Variants in FAM83A observed in about 807,000 individuals in gnomAD.
The protein encoded by FAM83A is protein FAM83A.
In FAM83A, 21 loss-of-function variants were observed where a neutral mutation model predicts 24.4. The observed-to-expected ratio is 0.86, with a 90% CI of 0.61 to 1.24. The LOEUF is 1.24. FAM83A is among the 50% of genes most tolerant of loss of function. FAM83A has a pLI of 0.00. For missense variants in FAM83A, 617 were observed against 579.8 expected (o/e 1.06, Z -0.66); for synonymous variants, 270 against 252.4 (o/e 1.07, Z -0.66).
In FAM83A at chr8:123,186,361, G is replaced by A. The variant is rs574055355; in HGVS notation, c.480+3025G>A. Among the ~76,000 whole-genome samples, 27 of 152,294 alleles carry A rather than the reference G, an allele frequency of 1.8e-4. No individual in the cohort carries two copies. In the South Asian group the frequency reaches 2.7e-3, roughly 15 times the overall value. The stretch of plus-strand genomic sequence containing the variant: ...TAGGCTGTCCTTGGAAGTAGGTGAT[G>A]AGAAGAATAGGAGAGAGTGGGGAAA... On this transcript the variant is annotated intron_variant, in intron 1 of 3. Coordinates refer to ENST00000690554, the Ensembl canonical transcript of FAM83A.
chr8:123,205,797 G>C (rs1824531352), intron 3 of FAM83A, among the ~76,000 whole-genome samples: 2 of 152,208 alleles, frequency 1.3e-5, no homozygotes, highest in African/African-American at 4.8e-5. Flanking sequence ...TTGAGGGGGC[G>C]GGGGGAGAAA....
At chr8:123,182,992 G>C in exon 1 of FAM83A, 1 of 1,612,332 alleles carries the variant, frequency 6.2e-7, no homozygotes, top group Non-Finnish European at 8.5e-7. Flanking sequence ...CTTGGATGGG[G>C]GTTCTGAAGC....
In FAM83A at chr8:123,209,052, G is replaced by A; in HGVS notation, c.*1364G>A. 1.0e-6 allele frequency: 1 copy of A among 993,438 alleles called. No homozygotes were observed. The highest frequency in any genetic ancestry group is 1.2e-6 in the Non-Finnish European group (1 of 835,362). 61.5% of individuals were successfully genotyped at this position (993,438 alleles called of 1,614,324 possible). On this transcript the variant is annotated 3_prime_UTR_variant, in exon 4 of 4. Coordinates refer to ENST00000690554, the Ensembl canonical transcript of FAM83A. The surrounding 1 kb of genome is among the most constrained non-coding windows in gnomAD (Gnocchi z 4.7). ...ATGTCAGAGACACTTCCCAGATAAAGTAAGAGTTAACCCTGCACCTCAGGT... is the reference window on the plus strand; with the variant it reads ...ATGTCAGAGACACTTCCCAGATAAAATAAGAGTTAACCCTGCACCTCAGGT...
At chr8:123,196,548 CTCTTT>C (rs1239218979) in intron 3 of FAM83A, among the ~76,000 whole-genome samples, 9 of 151,952 alleles carry the variant, frequency 5.9e-5, no homozygotes, top group Admixed American at 4.6e-4. Context: ...TATATTTTTA[CTCTTT>C]TCTTTTAATG....
chr8:123,182,122 G>C, upstream of FAM83A: 1 of 456,252 alleles, frequency 2.2e-6, no homozygotes, highest in Non-Finnish European at 4.4e-6. Flanking sequence ...GCGAGGAAGC[G>C]TTGGCCTGAG....
At chr8:123,194,175 AG>A (rs1438784520) in intron 3 of FAM83A, 27 bp downstream of exon 3, 1 of 1,612,836 alleles carries the variant, frequency 6.2e-7, no homozygotes, top group African/African-American at 1.3e-5. Flanking sequence ...TCTCCTGTCA[AG>A]GATTCATGGA....
chr8:123,181,768 T>G (rs960872240), upstream of FAM83A: 3 of 308,122 alleles, frequency 9.7e-6, no homozygotes, highest in Non-Finnish European at 2.0e-5. Context: ...GCTCCTCAAC[T>G]TCACCTGGCC....
chr8:123,182,649 C>G (rs183639465), upstream of FAM83A: 1 of 817,796 alleles, frequency 1.2e-6, no homozygotes, highest in Non-Finnish European at 2.0e-6. Flanking sequence ...ATAAGCCAAT[C>G]CCGCAGCTGC....
At chr8:123,207,336 G>T (rs1393205675) in exon 4 of FAM83A, 1 of 1,611,078 alleles carries the variant, frequency 6.2e-7, no homozygotes, top group African/African-American at 1.3e-5. Flanking sequence ...GCCAATGGCC[G>T]CCTTAGCAGC....
intron 3 of FAM83A, among the ~76,000 whole-genome samples, chr8:123,194,605 C>A (rs1012275333): frequency 1.3e-5 from 2 of 151,846 alleles, no homozygotes; most frequent in Non-Finnish European, 2.9e-5. Flanking sequence ...TCCCTCAGCC[C>A]CCCAAGTAGC....
intron 1 of FAM83A, among the ~76,000 whole-genome samples, chr8:123,190,177 AAGAG>A (rs949707268): frequency 6.6e-6 from 1 of 152,194 alleles, no homozygotes; most frequent in African/African-American, 2.4e-5. Flanking sequence ...AAAAAAATGA[AAGAG>A]AGAGAGGAAG....
intron 1 of FAM83A, 85 bp from the exon 2 acceptor site, chr8:123,191,718 C>T: frequency 7.0e-7 from 1 of 1,437,684 alleles, no homozygotes; most frequent in Non-Finnish European, 9.6e-7. Flanking sequence ...TCTCCCAGGC[C>T]CACTGGGACT....
upstream of FAM83A, chr8:123,181,755 C>T (rs554333155): frequency 6.5e-6 from 2 of 305,354 alleles, no homozygotes; most frequent in Admixed American, 3.9e-5. Flanking sequence ...ACAGCAGTGG[C>T]CTGCTCCTCA....
intron 3 of FAM83A, among the ~76,000 whole-genome samples, chr8:123,206,326 C>G (rs944184151): frequency 2.0e-5 from 3 of 152,110 alleles, no homozygotes; most frequent in African/African-American, 7.2e-5. Flanking sequence ...TCAGCGTCAA[C>G]GGGAGGCGCA....
chr8:123,207,591 C>G, exon 4 of FAM83A: 1 of 1,573,398 alleles, frequency 6.4e-7, no homozygotes, highest in Non-Finnish European at 8.6e-7. Context: ...AACCTGGGGG[C>G]CTACAGGCCC....
In FAM83A at chr8:123,209,868, G is replaced by A. The variant is rs1258475612; in HGVS notation, c.*2180G>A. On this transcript the variant is annotated 3_prime_UTR_variant, in exon 4 of 4. Coordinates refer to ENST00000690554, the Ensembl canonical transcript of FAM83A. This position sits in a 1 kb window ranked among gnomAD's most constrained non-coding sequence, Gnocchi z 4.7. ...GAGGTTAGGTCGGGGCTGCCCCGGC[G>A]AGTGGAGCATGAGCAGAACCGCCGA... 1 of 326,782 alleles carries A rather than the reference G, an allele frequency of 3.1e-6. No homozygotes were observed. The highest frequency in any genetic ancestry group is 5.8e-6 in the Non-Finnish European group (1 of 173,232). 20.2% of individuals were successfully genotyped at this position (326,782 alleles called of 1,614,324 possible). A position where few individuals can be genotyped will look rare whatever the true frequency, so the allele number is the denominator to read the frequency against.
At chr8:123,184,515 T>G (rs1013020409) in intron 1 of FAM83A, among the ~76,000 whole-genome samples, 13 of 152,028 alleles carry the variant, frequency 8.6e-5, no homozygotes, top group African/African-American at 2.9e-4. Context: ...GAAAAACCCT[T>G]CAAGCCCAGA....
exon 4 of FAM83A, chr8:123,207,342 G>C: frequency 6.2e-7 from 1 of 1,611,654 alleles, no homozygotes; most frequent in Non-Finnish European, 8.5e-7. Context: ...GGCCGCCTTA[G>C]CAGCAGCAGT....
chr8:123,207,419 A>G lies in FAM83A; in HGVS notation c.1036A>G (p.Thr346Ala). Residue 346 changes from threonine to alanine, a missense_variant, in exon 4 of 4, where the codon ACC (threonine) becomes GCC (alanine). Coordinates refer to ENST00000690554, the Ensembl canonical transcript of FAM83A. ...CCGCTCGGCAGGCAGCCACCCCGGT[A>G]CCCGAAGTGTGTCCGCGTCTTCAGG... 6.2e-7 allele frequency: 1 copy of G among 1,609,698 alleles called. No homozygotes were observed. The highest frequency in any genetic ancestry group is 8.5e-7 in the Non-Finnish European group (1 of 1,179,234).
Sources: gnomAD v4.1 joint callset for allele counts (sites outside exome capture counted in the v4.1 genomes callset) on GRCh38, gnomAD v4.1.1 for gene constraint, Gnocchi (gnomAD v3.1) non-coding constraint, MANE v1.5 for transcripts, NCBI Gene and HGNC (gene_info 2026-07-23, HGNC 2026-07-21) for gene names.